Variants in POLN observed in about 807,000 individuals in gnomAD.
POLN encodes the protein DNA polymerase nu.
POLN carries 108 observed loss-of-function variants against 113.5 expected under a neutral mutation model. The ratio of observed to expected loss-of-function variants is 0.95; its 90% confidence interval spans 0.81 to 1.12. POLN has a LOEUF of 1.12. Ranked by LOEUF, POLN falls within the 50% of genes most tolerant of loss-of-function variation. POLN has a pLI of 0.00. For missense variants in POLN, 1,097 were observed against 1,077.1 expected (o/e 1.02, Z -0.26); for synonymous variants, 386 against 391.5 (o/e 0.99, Z 0.17).
intron 7 of POLN, among the ~76,000 whole-genome samples, chr4:2,186,984 A>G (rs7684697): frequency 0.25 from 37,455 of 152,030 alleles, 7,123 homozygotes; most frequent in African/African-American, 0.51. Context: ...GAAAAATTCA[A>G]TAGAGGCTCT....
At chr4:2,128,287 G>A (rs1731635030) in intron 18 of POLN, 60 bp from the exon 19 acceptor site, 6 of 1,068,074 alleles carry the variant, frequency 5.6e-6, no homozygotes, top group Non-Finnish European at 7.0e-6. Flanking sequence ...CGTGTTTGCT[G>A]CGCACCCCGG....
intron 6 of POLN, among the ~76,000 whole-genome samples, chr4:2,194,876 C>A (rs1046401999): frequency 2.0e-5 from 3 of 151,496 alleles, no homozygotes; most frequent in African/African-American, 7.3e-5. Flanking sequence ...CCAACCTGGG[C>A]GACAAAGAGA....
chr4:2,205,644 G>A (rs2108762820), intron 5 of POLN, among the ~76,000 whole-genome samples: 1 of 152,276 alleles, frequency 6.6e-6, no homozygotes, highest in East Asian at 1.9e-4. Context: ...GGAGTCCAAG[G>A]CAGGTGGATC....
At chr4:2,208,561 G>A (rs1308410411) in intron 4 of POLN, 74 bp from the exon 5 acceptor site, 4 of 1,247,942 alleles carry the variant, frequency 3.2e-6, no homozygotes, top group Non-Finnish European at 4.3e-6. Flanking sequence ...CTAATTTCTG[G>A]TAAAAACTTG....
At chr4:2,114,866 A>G (rs1272900736) in intron 19 of POLN, among the ~76,000 whole-genome samples, 2 of 151,842 alleles carry the variant, frequency 1.3e-5, no homozygotes, top group South Asian at 4.2e-4. Flanking sequence ...GATGCCAAAT[A>G]TACATAAGTT....
chr4:2,127,058 C>T lies in POLN; in HGVS notation c.1982+1055G>A, dbSNP rs1731598854. On this transcript the variant is annotated intron_variant, in intron 19 of 25. Coordinates refer to ENST00000511885, the MANE Select transcript of POLN (RefSeq NM_181808.4). This position sits in a 1 kb window ranked among gnomAD's most constrained non-coding sequence, Gnocchi z 4.7. ...GATCTGCTTCCTCATCTCCCACCCC[C>T]AGGTGCTGGGCAGCCTTTCTGTGTG... 6.6e-6 allele frequency among the ~76,000 whole-genome samples: 1 copy of T among 151,896 alleles called. No homozygotes were observed. Among genetic ancestry groups the T allele is most frequent in the African/African-American group, 2.4e-5 (1 of 41,322 alleles).
intron 2 of POLN, chr4:2,240,922 C>A (rs760064260): frequency 1.3e-6 from 2 of 1,598,674 alleles, no homozygotes; most frequent in South Asian, 1.1e-5. Context: ...TTTAATGTTT[C>A]CACAAACTCA....
intron 2 of POLN, chr4:2,240,898 G>A (rs1577805965): frequency 6.2e-7 from 1 of 1,601,290 alleles, no homozygotes; most frequent in Non-Finnish European, 8.5e-7. Flanking sequence ...TCAGCTTTGG[G>A]ATAACCAATT....
chr4:2,192,891 G>A (rs1733486701), intron 7 of POLN, among the ~76,000 whole-genome samples: 2 of 151,690 alleles, frequency 1.3e-5, no homozygotes, highest in South Asian at 4.2e-4. Context: ...TAATTACTCT[G>A]GACTGTAGTT....
Position 2,072,214 on chromosome 4 carries a change from G to A in POLN, c.2603C>T (p.Pro868Leu). 1 of 1,606,692 alleles carries A rather than the reference G, an allele frequency of 6.2e-7. No individual in the cohort carries two copies. Among genetic ancestry groups the A allele is most frequent in the Non-Finnish European group, 8.5e-7 (1 of 1,175,854 alleles). The change falls in exon 26 of 26, where the codon CCA becomes CTA. Residue 868 changes from proline (P) to leucine (L), a missense_variant. Pro to Leu is a moderately conservative substitution (Grantham distance 98). Transcript: ENST00000511885. ...GTTGCTGGGAGACTCAGTGCGACAT[G>A]GGCCTGGCGGAGGGCCCCAGGCCTC... is the stretch of plus-strand genomic sequence containing the variant. ...LQEAWGPPPG[P>L]CRTESPSNSL...
chr4:2,120,077 T>C (rs576451137), intron 19 of POLN, among the ~76,000 whole-genome samples: 2 of 152,348 alleles, frequency 1.3e-5, no homozygotes, highest in Non-Finnish European at 1.5e-5. Context: ...TGTGTGGGTC[T>C]ATTTCTGGTT....
At chr4:2,210,139 G>C (rs1441697532) in intron 4 of POLN, among the ~76,000 whole-genome samples, 5 of 151,634 alleles carry the variant, frequency 3.3e-5, no homozygotes, top group Non-Finnish European at 7.4e-5. Context: ...TTATTGCAGA[G>C]AAATATATGG....
intron 10 of POLN, 138 bp downstream of exon 10, chr4:2,174,553 A>G: frequency 1.3e-6 from 1 of 757,070 alleles, no homozygotes; most frequent in East Asian, 2.7e-5. Flanking sequence ...AGAAAGGGAA[A>G]ATAATAGGCT....
intron 20 of POLN, chr4:2,090,572 G>T: frequency 2.2e-6 from 1 of 462,382 alleles, no homozygotes. Flanking sequence ...TCATCTTCAA[G>T]ATCTTCATCG....
At chr4:2,209,655 T>TC (rs1480850682) in intron 4 of POLN, among the ~76,000 whole-genome samples, 3 of 142,536 alleles carry the variant, frequency 2.1e-5, no homozygotes, top group East Asian at 2.1e-4. Flanking sequence ...TCTTTCCTTT[T>TC]CCTTTTTTTT....
intron 3 of POLN, among the ~76,000 whole-genome samples, chr4:2,221,477 C>G (rs1734251432): frequency 6.6e-6 from 1 of 152,184 alleles, no homozygotes; most frequent in African/African-American, 2.4e-5. Context: ...TGATTGCTTC[C>G]CCTCCCCACT....
intron 16 of POLN, among the ~76,000 whole-genome samples, chr4:2,152,108 T>C (rs1419767803): frequency 1.3e-5 from 2 of 151,310 alleles, no homozygotes; most frequent in Non-Finnish European, 2.9e-5. Flanking sequence ...CTCAGCTCAC[T>C]GTGACCTCCT....
chr4:2,078,978 GGAGTGCAGTGGTAT>G, intron 23 of POLN: 2 of 949,872 alleles, frequency 2.1e-6, no homozygotes, highest in Non-Finnish European at 2.5e-6. Flanking sequence ...TGCCCAGGCT[GGAGTGCAGTGGTAT>G]GATCATGGCT....
chr4:2,102,320 C>T (rs911421844), intron 19 of POLN, among the ~76,000 whole-genome samples: 6 of 152,166 alleles, frequency 3.9e-5, no homozygotes, highest in African/African-American at 1.4e-4. Context: ...GACACTCAAG[C>T]ACTTTTCCAG....
Sources: allele counts gnomAD v4.1 joint callset (sites outside exome capture counted in the v4.1 genomes callset), GRCh38; gene constraint gnomAD v4.1.1; non-coding constraint Gnocchi (gnomAD v3.1); transcripts MANE v1.5; gene names NCBI Gene and HGNC (gene_info 2026-07-23, HGNC 2026-07-21).